The following FHAD1 variants were observed in gnomAD, a reference collection of about 807,000 sequenced individuals.
The protein encoded by FHAD1 is forkhead-associated domain-containing protein 1.
A neutral mutation model predicts 191.3 loss-of-function variants in FHAD1; 146 were observed. The observed-to-expected ratio is 0.76, with a 90% confidence interval of 0.67 to 0.88. The LOEUF (loss-of-function observed/expected upper bound fraction) is 0.88, where lower values mean the gene tolerates loss of function less well. Among genes scored for constraint, FHAD1 ranks in the 40% least tolerant of loss-of-function variants. FHAD1 has a pLI of 0.00. For missense variants in FHAD1, 1,635 were observed against 1,785.8 expected, an observed-to-expected ratio of 0.92 and a Z score of 1.52; for synonymous variants, 616 against 672.3, an observed-to-expected ratio of 0.92 and a Z score of 1.29.
At chr1:15,371,190 A>G (rs1697979108) in intron 26 of FHAD1, among the ~76,000 whole-genome samples, 1 of 152,112 alleles carries the variant, frequency 6.6e-6, no homozygotes, top group South Asian at 2.1e-4. Flanking sequence ...TTCAACAACT[A>G]TTGAGCACCT....
chr1:15,392,608 C>T (rs1470896161), intron 33 of FHAD1, among the ~76,000 whole-genome samples: 1 of 152,104 alleles, frequency 6.6e-6, no homozygotes, highest in African/African-American at 2.4e-5. Context: ...TGCTTCGAGT[C>T]CTTAAGGTGA....
chr1:15,351,360 T>A (rs982537257), intron 19 of FHAD1, among the ~76,000 whole-genome samples: 3 of 152,164 alleles, frequency 2.0e-5, no homozygotes, highest in South Asian at 2.1e-4. Context: ...AAATTAAAAT[T>A]AAAATAAAAA....
chr1:15,385,555 G>A (rs1233378466), intron 31 of FHAD1, among the ~76,000 whole-genome samples: 2 of 152,174 alleles, frequency 1.3e-5, no homozygotes, highest in African/African-American at 4.8e-5. Context: ...GGAGGCTGAT[G>A]CAGGAGGATC....
rs1009826164 is a variant in FHAD1 at position 15,349,274 on chromosome 1, G to T, written c.2454+125G>T. ...CCCTTTGAAGTGGCCAAGATCTGCC[G>T]TTTACTGGCTGTGTGACCTCCGGCA... On this transcript the variant is annotated intron_variant, in intron 19 of 33. Transcript: ENST00000688493. 24 of 709,448 alleles carry T rather than the reference G, an allele frequency of 3.4e-5. No homozygotes were observed. In the African/African-American group the frequency reaches 3.8e-4, roughly 11 times the overall value. The allele number at this position is 709,448 out of a possible 1,614,324, so 43.9% of individuals were successfully genotyped here. A position where few individuals can be genotyped will look rare whatever the true frequency, so the allele number is the denominator to read the frequency against.
intron 26 of FHAD1, among the ~76,000 whole-genome samples, chr1:15,370,300 T>C (rs538065750): frequency 1.3e-4 from 20 of 152,330 alleles, no homozygotes; most frequent in African/African-American, 4.6e-4. Flanking sequence ...GTTTAGTAGA[T>C]AATTTTTTTG....
At chr1:15,335,009 T>C (rs1010646543) in intron 14 of FHAD1, among the ~76,000 whole-genome samples, 1 of 152,150 alleles carries the variant, frequency 6.6e-6, no homozygotes, top group Non-Finnish European at 1.5e-5. Flanking sequence ...CTACCTGCCT[T>C]TTAGAACATC....
intron 2 of FHAD1, among the ~76,000 whole-genome samples, chr1:15,265,075 A>G (rs12143858): frequency 0.17 from 25,133 of 152,164 alleles, 2,377 homozygotes; most frequent in Middle Eastern, 0.22. Flanking sequence ...TACGTTTGCT[A>G]ATATTTTGTT....
At chr1:15,346,863 A>T (rs1689104253) in intron 18 of FHAD1, among the ~76,000 whole-genome samples, 1 of 152,210 alleles carries the variant, frequency 6.6e-6, no homozygotes, top group Non-Finnish European at 1.5e-5. Flanking sequence ...CTGTGGGCTC[A>T]GATCTAGTGT....
chr1:15,261,383 G>A (rs943752772), intron 2 of FHAD1, among the ~76,000 whole-genome samples: 7 of 152,168 alleles, frequency 4.6e-5, no homozygotes, highest in African/African-American at 1.4e-4. Flanking sequence ...GTGTGGACAC[G>A]AGGATGACTA....
Position 15,312,480 on chromosome 1 carries a change from G to A in FHAD1, c.1040-577G>A, listed in dbSNP as rs944400864. Among the ~76,000 whole-genome samples the A allele has an allele frequency of 1.3e-5, 2 of 152,076 alleles. No individual in the cohort carries two copies. The highest frequency in any genetic ancestry group is 4.1e-4 in the South Asian group (2 of 4,828). On this transcript the variant is annotated intron_variant, in intron 7 of 33. Transcript: ENST00000688493. The surrounding 1 kb of genome is among the most constrained non-coding windows in gnomAD (Gnocchi z 4.7). ...GTTTGAGACCCGCCTGGGCAACATG[G>A]GCAAAACTCCATGTCTACAAAAAAT...
At chr1:15,360,443 C>T in intron 21 of FHAD1, 35 bp from the exon 22 acceptor site, 1 of 1,536,212 alleles carries the variant, frequency 6.5e-7, no homozygotes, top group Non-Finnish European at 8.8e-7. Context: ...ATACACAGCT[C>T]CCAAGACCTC....
intron 3 of FHAD1, 150 bp downstream of exon 3, chr1:15,272,679 A>T: frequency 2.9e-6 from 2 of 700,636 alleles, no homozygotes; most frequent in Non-Finnish European, 4.7e-6. Context: ...GACCCTGTGG[A>T]GTTCTGAGTC....
At chr1:15,401,427 G>A (rs770839656), downstream of FHAD1, among the ~76,000 whole-genome samples, 15 of 152,198 alleles carry the variant, frequency 9.9e-5, no homozygotes, top group Middle Eastern at 3.2e-3. Context: ...TGAGGTACCT[G>A]TATACCCAAA....
chr1:15,369,551 C>G, intron 26 of FHAD1, 49 bp downstream of exon 26: 1 of 1,527,686 alleles, frequency 6.5e-7, no homozygotes, highest in Non-Finnish European at 8.8e-7. Flanking sequence ...AAAGACACAG[C>G]CCAGTGGTGG....
chr1:15,359,413 A>G (rs1280083565), intron 21 of FHAD1, among the ~76,000 whole-genome samples: 1 of 152,152 alleles, frequency 6.6e-6, no homozygotes, highest in African/African-American at 2.4e-5. Flanking sequence ...GGAGCAGGAC[A>G]GGGTGAGGTG....
Position 15,289,703 on chromosome 1 carries a change from G to C in FHAD1, c.568+37G>C. On this transcript the variant is annotated intron_variant, in intron 4 of 33. Transcript: ENST00000688493. The surrounding 1 kb of genome is among the most constrained non-coding windows in gnomAD (Gnocchi z 4.2). ...GGCTGCCATTGGTGGCTTGGGGGTG[G>C]TTCACGGCCATGTGGATGGGTCTTG... The C allele has an allele frequency of 6.6e-7, 1 of 1,522,270 alleles. No homozygotes were observed. Among genetic ancestry groups the C allele is most frequent in the Non-Finnish European group, 8.9e-7 (1 of 1,126,554 alleles). The allele number at this position is 1,522,270 out of a possible 1,614,324, so 94.3% of individuals were successfully genotyped here. A position where few individuals can be genotyped will look rare whatever the true frequency, so the allele number is the denominator to read the frequency against.
At chr1:15,264,551 T>C (rs1034109312) in intron 2 of FHAD1, among the ~76,000 whole-genome samples, 2 of 117,546 alleles carry the variant, frequency 1.7e-5, no homozygotes, top group African/African-American at 4.7e-5. Flanking sequence ...TGTATATATG[T>C]GTGTGTGTGT....
intron 9 of FHAD1, among the ~76,000 whole-genome samples, chr1:15,317,277 G>A (rs1189530382): frequency 6.6e-6 from 1 of 152,188 alleles, no homozygotes; most frequent in Non-Finnish European, 1.5e-5. Flanking sequence ...GTCAAAGGAG[G>A]TGTATTCCTG....
rs752046383 is a variant in FHAD1 at position 15,241,666 on chromosome 1, A to C, written c.-15+4905A>C. Among the ~76,000 whole-genome samples the C allele has an allele frequency of 2.4e-4, 15 of 62,742 alleles. No individual in the cohort carries two copies. The East Asian group carries it at 3.7e-3, about 16-fold the overall frequency. 41.2% of individuals were successfully genotyped at this position (62,742 alleles called of 152,430 possible). ...TGTCTCAAAAAAAACAAACAACAAAAAAACAAACAAACAAAAAAAACCCAG... is the reference window on the plus strand; with the variant it reads ...TGTCTCAAAAAAAACAAACAACAAACAAACAAACAAACAAAAAAAACCCAG... On this transcript the variant is annotated intron_variant, in intron 1 of 33. Coordinates refer to the FHAD1 transcript ENST00000683790.
Sources: allele counts gnomAD v4.1 joint callset (sites outside exome capture counted in the v4.1 genomes callset), GRCh38; gene constraint gnomAD v4.1.1; non-coding constraint Gnocchi (gnomAD v3.1); transcripts MANE v1.5; gene names NCBI Gene and HGNC (gene_info 2026-07-23, HGNC 2026-07-21).